LINGO2: variants seen among roughly 807,000 people sequenced by gnomAD.
LINGO2 encodes the protein leucine-rich repeat and immunoglobulin-like domain-containing nogo receptor-interacting protein 2.
Under a neutral mutation model 30.6 loss-of-function variants are expected in LINGO2, and 14 were observed. The observed-to-expected ratio is 0.46, with a 90% CI of 0.30 to 0.72. The LOEUF (loss-of-function observed/expected upper bound fraction) is 0.72. LINGO2 is among the 30% of genes least tolerant of loss of function. The pLI, the probability that LINGO2 is intolerant of heterozygous loss-of-function variation, is 0.07. For synonymous variants in LINGO2, 317 were observed against 288.5 expected (o/e 1.10, Z -1.00); for missense variants, 729 against 751.7 (o/e 0.97, Z 0.35).
the LINGO2 span, among the ~76,000 whole-genome samples, chr9:28,801,281 TG>T: frequency 6.6e-6 from 1 of 152,050 alleles, no homozygotes; most frequent in African/African-American, 2.4e-5. Flanking sequence ...CTCAAGGTAG[TG>T]CTTTCCACTG....
At chr9:28,577,933 A>T (rs956887291) in intron 1 of LINGO2, among the ~76,000 whole-genome samples, 5 of 152,190 alleles carry the variant, frequency 3.3e-5, no homozygotes, top group African/African-American at 1.2e-4. Context: ...TGAATGGAAA[A>T]TCTGATTCAG....
At chr9:28,960,539 G>T in the LINGO2 span, among the ~76,000 whole-genome samples, 1 of 149,680 alleles carries the variant, frequency 6.7e-6, no homozygotes, top group Non-Finnish European at 1.5e-5. Flanking sequence ...TGTGTGTTGT[G>T]TGTTATAGAA....
intron 4 of LINGO2, among the ~76,000 whole-genome samples, chr9:28,082,196 A>C (rs746065691): frequency 6.6e-6 from 1 of 151,692 alleles, no homozygotes; most frequent in Non-Finnish European, 1.5e-5. Flanking sequence ...CAAAACAAAA[A>C]TCACCTTCTG....
the LINGO2 span, among the ~76,000 whole-genome samples, chr9:28,987,056 T>G: frequency 0.02 from 3,014 of 150,326 alleles, 88 homozygotes; most frequent in African/African-American, 0.069. Flanking sequence ...TTGTATTTGT[T>G]TATAAGTTCT....
chr9:28,679,289 C>G, the LINGO2 span, among the ~76,000 whole-genome samples: 1 of 152,016 alleles, frequency 6.6e-6, no homozygotes, highest in Non-Finnish European at 1.5e-5. Context: ...TTCCTTGGGG[C>G]CAGACTTTAA....
downstream of LINGO2, among the ~76,000 whole-genome samples, chr9:27,946,263 T>G (rs1234018283): frequency 6.6e-6 from 1 of 152,154 alleles, no homozygotes; most frequent in South Asian, 2.1e-4. Flanking sequence ...GGTTACAGAA[T>G]GCATTTCCCT....
chr9:28,103,592 C>T (rs1359188303), intron 4 of LINGO2, among the ~76,000 whole-genome samples: 1 of 152,138 alleles, frequency 6.6e-6, no homozygotes, highest in Non-Finnish European at 1.5e-5. Flanking sequence ...CCACACTGAC[C>T]AGCAGCTTAC....
intron 4 of LINGO2, among the ~76,000 whole-genome samples, chr9:28,045,109 C>G (rs1175983160): frequency 6.6e-6 from 1 of 151,628 alleles, no homozygotes; most frequent in East Asian, 1.9e-4. Flanking sequence ...GAGACTTTTT[C>G]CCCCCCATCC....
chr9:28,864,457 C>T, the LINGO2 span, among the ~76,000 whole-genome samples: 1 of 152,008 alleles, frequency 6.6e-6, no homozygotes, highest in Non-Finnish European at 1.5e-5. Context: ...TAACCAGAAT[C>T]CCACCTTTTA....
At chr9:28,057,916 CATT>C (rs1825010586) in intron 4 of LINGO2, among the ~76,000 whole-genome samples, 1 of 152,018 alleles carries the variant, frequency 6.6e-6, no homozygotes, top group African/African-American at 2.4e-5. Flanking sequence ...TCCTGTGTAT[CATT>C]ATATCATAGC....
chr9:28,903,001 T>C, the LINGO2 span, among the ~76,000 whole-genome samples: 1 of 150,880 alleles, frequency 6.6e-6, no homozygotes, highest in Non-Finnish European at 1.5e-5. Flanking sequence ...CTAAAGTTAG[T>C]AGGAGGGTAA....
the LINGO2 span, among the ~76,000 whole-genome samples, chr9:29,188,087 A>G: frequency 1.5e-5 from 2 of 133,118 alleles, no homozygotes; most frequent in African/African-American, 5.8e-5. Context: ...ACAGGGTCAT[A>G]GGACAATAGT....
the LINGO2 span, among the ~76,000 whole-genome samples, chr9:29,044,048 G>C: frequency 6.6e-6 from 1 of 151,960 alleles, no homozygotes; most frequent in African/African-American, 2.4e-5. Context: ...TTTCAATCCT[G>C]TATTTCCACT....
In LINGO2 at chr9:28,092,215, T is replaced by C. The variant is rs1371448778; in HGVS notation, c.-86-79810A>G. Among the ~76,000 whole-genome samples, 19 of 152,290 alleles carry C rather than the reference T, an allele frequency of 1.2e-4. No individual in the cohort carries two copies. The East Asian group carries it at 2.7e-3, about 22-fold the overall frequency. The stretch of plus-strand genomic sequence containing the variant: ...TACTGGGTATATACCCAAAGGATTA[T>C]AATTCATGCTGCTATAAAGACACAT... On this transcript the variant is annotated intron_variant, in intron 4 of 5. Transcript: ENST00000379992.
chr9:28,200,884 A>G (rs1054177583), intron 4 of LINGO2, among the ~76,000 whole-genome samples: 5 of 152,184 alleles, frequency 3.3e-5, no homozygotes, highest in Non-Finnish European at 7.4e-5. Flanking sequence ...GTATTTAAAT[A>G]CTCAGGTGAA....
intron 4 of LINGO2, among the ~76,000 whole-genome samples, chr9:28,239,100 A>G (rs955690976): frequency 6.6e-6 from 1 of 152,138 alleles, no homozygotes; most frequent in Non-Finnish European, 1.5e-5. Flanking sequence ...GAAGAAATGT[A>G]TAACCTGAGC....
the LINGO2 span, among the ~76,000 whole-genome samples, chr9:28,999,822 T>A: frequency 6.6e-6 from 1 of 152,012 alleles, no homozygotes; most frequent in African/African-American, 2.4e-5. Flanking sequence ...AAAACATTTT[T>A]ACCAAATTAT....
chr9:28,510,181 T>C (rs1237178640), intron 1 of LINGO2, among the ~76,000 whole-genome samples: 1 of 152,202 alleles, frequency 6.6e-6, no homozygotes, highest in Non-Finnish European at 1.5e-5. Flanking sequence ...TGGTTATTAA[T>C]ATACAGTTGA....
At chr9:28,429,126 A>G (rs4407982) in intron 2 of LINGO2, among the ~76,000 whole-genome samples, 19,282 of 152,206 alleles carry the variant, frequency 0.13, 1,410 homozygotes, top group East Asian at 0.23. Flanking sequence ...AGCTCAGTAA[A>G]TGTTTAATGT....
Sources: allele counts gnomAD v4.1 joint callset (sites outside exome capture counted in the v4.1 genomes callset), GRCh38; gene constraint gnomAD v4.1.1; transcripts MANE v1.5; gene names NCBI Gene and HGNC (gene_info 2026-07-23, HGNC 2026-07-21).